Variants in SHCBP1L observed in about 807,000 individuals in gnomAD.
SHCBP1L encodes the protein SHC binding and spindle associated 1 like, also known as testicular spindle-associated protein SHCBP1L.
In SHCBP1L, 67 loss-of-function variants were observed where a neutral mutation model predicts 62.5. That is an observed-to-expected ratio of 1.07 (90% CI 0.88 to 1.31). SHCBP1L has a LOEUF of 1.31. Among genes scored for constraint, SHCBP1L ranks in the 40% most tolerant of loss-of-function variants. SHCBP1L has a pLI of 0.00. For synonymous variants in SHCBP1L, 284 were observed against 289.4 expected (o/e 0.98, Z 0.19); for missense variants, 823 against 809.8 (o/e 1.02, Z -0.20).
chr1:182,906,497 T>G (rs1011778127), intron 6 of SHCBP1L, among the ~76,000 whole-genome samples: 6 of 151,782 alleles, frequency 4.0e-5, no homozygotes, highest in Admixed American at 3.9e-4. Context: ...AATGGCACGA[T>G]CTCAGCTCAC....
At chr1:182,940,292 T>C in intron 3 of SHCBP1L, 37 bp downstream of exon 3, 2 of 1,545,488 alleles carry the variant, frequency 1.3e-6, no homozygotes, top group South Asian at 2.3e-5. Context: ...CTTTTGGATA[T>C]AATAAATTTA....
chr1:182,930,727 A>T (rs959052577), intron 5 of SHCBP1L, among the ~76,000 whole-genome samples: 2,419 of 20,792 alleles, frequency 0.12, 192 homozygotes, highest in African/African-American at 0.27. Context: ...ATATATATGT[A>T]TTTTTTTTTT....
In SHCBP1L at chr1:182,939,335, G is replaced by GT. The variant is rs771224611; in HGVS notation, c.916dup (p.Thr306AsnfsTer6). The GT allele has an allele frequency of 2.5e-6, 4 of 1,613,840 alleles. No individual in the cohort carries two copies. Among genetic ancestry groups the GT allele is most frequent in the South Asian group, 1.1e-5 (1 of 91,080 alleles). The stretch of plus-strand genomic sequence containing the variant: ...ACGTTTGTTTTTATATTTCTCCAAA[G>GT]TTTTTTTAAAACGTTGTGCGATAGG... On this transcript the variant is annotated frameshift_variant, in exon 5 of 10. Coordinates refer to ENST00000367547, the MANE Select transcript of SHCBP1L (RefSeq NM_030933.4). LOFTEE classifies it high-confidence loss of function.
At chr1:182,943,180 G>A (rs1651428839) in intron 2 of SHCBP1L, among the ~76,000 whole-genome samples, 1 of 151,048 alleles carries the variant, frequency 6.6e-6, no homozygotes, top group Non-Finnish European at 1.5e-5. Context: ...GCAGTGGCAC[G>A]ATCATAGCTC....
At chr1:182,939,662 G>A in intron 3 of SHCBP1L, 109 bp from the exon 4 acceptor site, 1 of 798,950 alleles carries the variant, frequency 1.3e-6, no homozygotes, top group Non-Finnish European at 1.9e-6. Flanking sequence ...TAATTCTTAA[G>A]CAAAATATTT....
chr1:182,903,749 C>T (rs561082621), intron 8 of SHCBP1L, among the ~76,000 whole-genome samples: 2 of 152,278 alleles, frequency 1.3e-5, no homozygotes, highest in East Asian at 1.9e-4. Context: ...CCCGTCTCAG[C>T]TCCTAAAGTG....
chr1:182,905,151 T>G (rs1649971997), intron 7 of SHCBP1L, among the ~76,000 whole-genome samples: 1 of 152,202 alleles, frequency 6.6e-6, no homozygotes, highest in Non-Finnish European at 1.5e-5. Flanking sequence ...ATAAATTTAG[T>G]AAATTCTGCT....
At position 182,901,753 on chromosome 1, in the gene SHCBP1L, AATGCTGCTGGTCC is replaced by A. The variant is rs59584200; in HGVS notation, c.1710+1273_1710+1285del. On this transcript the variant is annotated intron_variant, in intron 9 of 9. Transcript: ENST00000367547. ...TTCTAACAAACTACCAGGTGATGCC[AATGCTGCTGGTCC>A]ATGGCTCACACTTTGAGTATCAGGA... Among the ~76,000 whole-genome samples the A allele has an allele frequency of 4.3e-3, 656 of 152,332 alleles. 7 individuals are homozygous for A. Among genetic ancestry groups the A allele is most frequent in the African/African-American group, 0.015 (626 of 41,566 alleles).
chr1:182,903,199 T>C (rs774594599), intron 8 of SHCBP1L, 38 bp from the exon 9 acceptor site: 2 of 1,462,820 alleles, frequency 1.4e-6, no homozygotes, highest in Non-Finnish European at 1.8e-6. Flanking sequence ...CTACAAAATA[T>C]ATACACAAAC....
chr1:182,912,083 C>T (rs112477769), intron 6 of SHCBP1L, among the ~76,000 whole-genome samples: 31 of 152,200 alleles, frequency 2.0e-4, no homozygotes, highest in African/African-American at 7.0e-4. Flanking sequence ...CTCCTTTCAC[C>T]TGCCCCAGGG....
intron 6 of SHCBP1L, among the ~76,000 whole-genome samples, chr1:182,921,142 A>G (rs1032366176): frequency 6.6e-6 from 1 of 152,210 alleles, no homozygotes; most frequent in East Asian, 1.9e-4. Flanking sequence ...CAGGTCACCT[A>G]CAAAGGGAAT....
intron 6 of SHCBP1L, among the ~76,000 whole-genome samples, chr1:182,924,935 G>GAAGA (rs71127327): frequency 0.24 from 14,884 of 62,118 alleles, 2,160 homozygotes; most frequent in Non-Finnish European, 0.28. Flanking sequence ...AGGAAGGAAG[G>GAAGA]AAGAAAGAAA....
Position 182,899,932 on chromosome 1 carries a change from T to G in SHCBP1L, c.*51A>C. On this transcript the variant is annotated 3_prime_UTR_variant, in exon 10 of 10. Coordinates refer to ENST00000367547, the MANE Select transcript of SHCBP1L (RefSeq NM_030933.4). ...CCATTTCAGTGGGGTATGAGAATCA[T>G]GTATTAAACAAATTTGTGAAATATA... 1 of 1,471,706 alleles carries G rather than the reference T, an allele frequency of 6.8e-7. No homozygotes were observed. The highest frequency in any genetic ancestry group is 9.1e-7 in the Non-Finnish European group (1 of 1,100,816). 91.2% of individuals were successfully genotyped at this position (1,471,706 alleles called of 1,614,324 possible).
chr1:182,913,961 A>G (rs1571340330), intron 6 of SHCBP1L, among the ~76,000 whole-genome samples: 1 of 152,348 alleles, frequency 6.6e-6, no homozygotes, highest in African/African-American at 2.4e-5. Flanking sequence ...AGCCTGGGCA[A>G]CAAGAGCAAA....
intron 2 of SHCBP1L, among the ~76,000 whole-genome samples, chr1:182,945,417 C>T: frequency 6.6e-6 from 1 of 152,120 alleles, no homozygotes; most frequent in East Asian, 1.9e-4. Flanking sequence ...GTTCTCTGAC[C>T]AGTTCTATTC....
chr1:182,940,557 C>A lies in SHCBP1L; in HGVS notation c.556-14G>T. 6.2e-7 allele frequency: 1 copy of A among 1,604,472 alleles called. No homozygotes were observed. Among genetic ancestry groups the A allele is most frequent in the South Asian group, 1.1e-5 (1 of 90,466 alleles). On this transcript the variant is annotated splice_polypyrimidine_tract_variant and intron_variant, in intron 2 of 9. Transcript: ENST00000367547. ...TTCACAAGTTACCTAAGATAAATAT[C>A]ATAAGAGATAAGAGATATAGTTATA...
chr1:182,924,938 G>GAA (rs1650678591), intron 6 of SHCBP1L, among the ~76,000 whole-genome samples: 1 of 93,828 alleles, frequency 1.1e-5, no homozygotes, highest in Admixed American at 1.2e-4. Flanking sequence ...AAGGAAGGAA[G>GAA]AAAGAAAGAA....
intron 6 of SHCBP1L, among the ~76,000 whole-genome samples, chr1:182,924,975 A>AAAGAAAGAAAGAAAGAAAG (rs1491508466): frequency 2.3e-4 from 30 of 128,448 alleles, no homozygotes; most frequent in African/African-American, 9.8e-4. Context: ...AGAAAGAAAG[A>AAAGAAAGAAAGAAAGAAAG]AAAAAAAAGG....
At chr1:182,941,743 A>G (rs1348444844) in intron 2 of SHCBP1L, among the ~76,000 whole-genome samples, 1 of 152,214 alleles carries the variant, frequency 6.6e-6, no homozygotes, top group African/African-American at 2.4e-5. Context: ...AATGTTCAAG[A>G]CATTAAATGC....
Sources: gnomAD v4.1 joint callset for allele counts (sites outside exome capture counted in the v4.1 genomes callset) on GRCh38, gnomAD v4.1.1 for gene constraint, MANE v1.5 for transcripts, NCBI Gene and HGNC (gene_info 2026-07-23, HGNC 2026-07-21) for gene names.